ZNF536: variants seen among roughly 807,000 people sequenced by gnomAD.
The protein encoded by ZNF536 is zinc finger protein 536.
In ZNF536, 13 loss-of-function variants were observed where a neutral mutation model predicts 84.5. The ratio of observed to expected loss-of-function variants is 0.15; its 90% CI spans 0.10 to 0.24. The LOEUF (loss-of-function observed/expected upper bound fraction) is 0.24, where lower values mean the gene tolerates loss of function less well. ZNF536 is among the 10% of genes least tolerant of loss of function. ZNF536 has a pLI of 1.00. For missense variants in ZNF536, 1,536 were observed against 1,747.5 expected, an observed-to-expected ratio of 0.88 and a Z score of 2.16; for synonymous variants, 811 against 742.5, an observed-to-expected ratio of 1.09 and a Z score of -1.50.
intron 1 of ZNF536, among the ~76,000 whole-genome samples, chr19:30,434,667 A>T (rs62101954): frequency 0.064 from 9,712 of 152,260 alleles, 356 homozygotes; most frequent in South Asian, 0.083. Context: ...TGGTATTTTG[A>T]TGGAGAGGAG....
intron 2 of ZNF536, among the ~76,000 whole-genome samples, chr19:30,291,298 C>G (rs1388035274): frequency 6.6e-6 from 1 of 152,206 alleles, no homozygotes; most frequent in African/African-American, 2.4e-5. Context: ...ATTTACACTC[C>G]TACCAACCAT....
In ZNF536 at chr19:30,547,964, C is replaced by T. The variant is rs1225379710; in HGVS notation, c.2345C>T (p.Pro782Leu). The change falls in exon 4 of 5, where the codon CCG (proline) becomes CTG (leucine). Residue 782 changes from proline (P) to leucine (L), a missense_variant. Coordinates refer to ENST00000355537, the MANE Select transcript of ZNF536 (RefSeq NM_014717.3). ...IHTGEKPYKCPHCDYAGTQSA... is the reference protein window; with the variant it reads ...IHTGEKPYKCLHCDYAGTQSA... ...GCAGGTGAGAAACCCTACAAGTGTC[C>T]GCACTGTGACTATGCCGGCACGCAG... is the stretch of plus-strand genomic sequence containing the variant. 10 of 1,568,982 alleles carry T rather than the reference C, an allele frequency of 6.4e-6. No individual in the cohort carries two copies. In the South Asian group the frequency reaches 7.2e-5, roughly 11 times the overall value.
rs144342951 is a variant in ZNF536, at chr19:30,486,087, T to C, written c.2170+40355T>C. On this transcript the variant is annotated intron_variant, in intron 2 of 4. Coordinates refer to ENST00000355537, the MANE Select transcript of ZNF536 (RefSeq NM_014717.3). The stretch of plus-strand genomic sequence containing the variant: ...GACACATGTATTTTCTTTCTTTTTT[T>C]TTCTTTTTAAAATTTATTTTGTTTA... Among the ~76,000 whole-genome samples the C allele has an allele frequency of 2.2e-3, 330 of 152,328 alleles. 1 individual carries two copies. The highest frequency in any genetic ancestry group is 7.4e-3 in the African/African-American group (308 of 41,578).
At chr19:30,577,543 C>T (rs145463915) in intron 1 of ZNF536, among the ~76,000 whole-genome samples, 71 of 152,166 alleles carry the variant, frequency 4.7e-4, no homozygotes, top group African/African-American at 1.7e-3. Context: ...AGATTTAAAG[C>T]GCGTTTTTAG....
In ZNF536 at chr19:30,611,476, T is replaced by C. The variant is rs1390983100; in HGVS notation, c.169+61962T>C. On this transcript the variant is annotated intron_variant, in intron 1 of 1. Coordinates refer to the ZNF536 transcript ENST00000592773. The stretch of plus-strand genomic sequence containing the variant: ...CAGAAATAAAAGGTGTTCTTCCTAA[T>C]ATGCAGTCATATGAACCATATTTGT... 2.0e-5 allele frequency among the ~76,000 whole-genome samples: 3 copies of C among 152,328 alleles called. No homozygotes were observed. In the East Asian group the frequency reaches 5.8e-4, roughly 29 times the overall value.
At chr19:30,457,251 C>T (rs966683174) in intron 2 of ZNF536, among the ~76,000 whole-genome samples, 6 of 152,190 alleles carry the variant, frequency 3.9e-5, no homozygotes, top group African/African-American at 1.4e-4. Flanking sequence ...TCAGCGACTT[C>T]TTTGGCAAGG....
At chr19:30,650,162 A>G (rs1482794050) in intron 1 of ZNF536, among the ~76,000 whole-genome samples, 1 of 152,232 alleles carries the variant, frequency 6.6e-6, no homozygotes, top group African/African-American at 2.4e-5. Flanking sequence ...CATTGTGCAG[A>G]AAGGCTGAAG....
chr19:30,621,939 AGCG>A (rs2048498293), intron 1 of ZNF536, among the ~76,000 whole-genome samples: 2 of 152,374 alleles, frequency 1.3e-5, no homozygotes, highest in East Asian at 3.9e-4. Context: ...TCCCCCAGAC[AGCG>A]TGCAGTGCCC....
At chr19:30,378,168 TTA>T (rs1222268977) in intron 1 of ZNF536, among the ~76,000 whole-genome samples, 3 of 152,116 alleles carry the variant, frequency 2.0e-5, no homozygotes, top group Non-Finnish European at 4.4e-5. Context: ...GGTCTACTTT[TTA>T]TGTTTTTTTA....
At chr19:30,273,590 T>A (rs751676147) in intron 1 of ZNF536, among the ~76,000 whole-genome samples, 1 of 152,246 alleles carries the variant, frequency 6.6e-6, no homozygotes, top group Non-Finnish European at 1.5e-5. Flanking sequence ...GGGCTGTTTA[T>A]TTCTTACTGT....
At chr19:30,658,029 T>A (rs2049979901) in intron 1 of ZNF536, among the ~76,000 whole-genome samples, 1 of 146,990 alleles carries the variant, frequency 6.8e-6, no homozygotes, top group Non-Finnish European at 1.5e-5. Flanking sequence ...CCCCCCCCCC[T>A]TTTTTTTCCT....
At chr19:30,406,397 G>C (rs1473745026) in intron 1 of ZNF536, among the ~76,000 whole-genome samples, 1 of 152,106 alleles carries the variant, frequency 6.6e-6, no homozygotes, top group East Asian at 1.9e-4. Flanking sequence ...GGTTGGGGAA[G>C]GTTCTGAAGG....
At chr19:30,318,332 GT>G (rs1179759089) in intron 2 of ZNF536, among the ~76,000 whole-genome samples, 7 of 152,172 alleles carry the variant, frequency 4.6e-5, no homozygotes, top group African/African-American at 1.7e-4. Flanking sequence ...TATTTAACTG[GT>G]GTAATATCCA....
chr19:30,264,837 T>C (rs1002414491), intron 1 of ZNF536, among the ~76,000 whole-genome samples: 1 of 151,974 alleles, frequency 6.6e-6, no homozygotes, highest in Non-Finnish European at 1.5e-5. Flanking sequence ...TCAGGCTTAG[T>C]TAGGGGATCC....
chr19:30,549,025 G>C lies in ZNF536; in HGVS notation c.3406G>C (p.Asp1136His), dbSNP rs2045670236. 6.2e-7 allele frequency: 1 copy of C among 1,614,180 alleles called. No homozygotes were observed. The highest frequency in any genetic ancestry group is 8.5e-7 in the Non-Finnish European group (1 of 1,180,044). ...ASSSCPNKEP[D>H]GKAHSEEDVP... ...CAGTTCCTGCCCCAACAAGGAGCCT[G>C]ATGGAAAGGCCCACTCTGAAGAGGA... Residue 1136 changes from aspartate to histidine, a missense_variant, in exon 4 of 5, where the codon GAT (aspartate) becomes CAT (histidine). Transcript: ENST00000355537.
chr19:30,512,591 G>C (rs527936264), intron 2 of ZNF536, among the ~76,000 whole-genome samples: 9 of 151,682 alleles, frequency 5.9e-5, no homozygotes, highest in African/African-American at 2.2e-4. Flanking sequence ...ACGAGTGTGG[G>C]TTAGAGGTCC....
chr19:30,477,117 C>T (rs575573658), intron 2 of ZNF536, among the ~76,000 whole-genome samples: 2 of 152,166 alleles, frequency 1.3e-5, no homozygotes, highest in African/African-American at 4.8e-5. Context: ...GTCCACTTGT[C>T]TTTACTTTTC....
At chr19:30,275,110 C>T (rs571287608) in intron 1 of ZNF536, among the ~76,000 whole-genome samples, 1 of 152,210 alleles carries the variant, frequency 6.6e-6, no homozygotes, top group Non-Finnish European at 1.5e-5. Context: ...AGGGCAAAGA[C>T]ATTGGGTGGA....
intron 2 of ZNF536, among the ~76,000 whole-genome samples, chr19:30,312,871 C>T (rs1167984970): frequency 2.0e-4 from 30 of 152,258 alleles, no homozygotes; most frequent in Non-Finnish European, 4.3e-4. Context: ...GGCAGCCTCC[C>T]TCCTTTGCTG....
Sources: allele counts gnomAD v4.1 joint callset (sites outside exome capture counted in the v4.1 genomes callset), GRCh38; gene constraint gnomAD v4.1.1; transcripts MANE v1.5; gene names NCBI Gene and HGNC (gene_info 2026-07-23, HGNC 2026-07-21).